HTR1F: variants seen among roughly 807,000 people sequenced by gnomAD.
HTR1F encodes the protein 5-hydroxytryptamine (serotonin) receptor 1F, G protein-coupled.
HTR1F carries 17 observed loss-of-function variants against 24.0 expected under a neutral mutation model. The ratio of observed to expected loss-of-function variants is 0.71; its 90% CI spans 0.48 to 1.06. The LOEUF is 1.06. Among genes scored for constraint, HTR1F ranks in the 50% least tolerant of loss-of-function variants. HTR1F has a pLI of 0.00. For synonymous variants in HTR1F, 186 were observed against 156.8 expected (o/e 1.19, Z -1.39); for missense variants, 391 against 427.8 (o/e 0.91, Z 0.76).
At chr3:87,835,665 T>A (rs1704668937) in intron 2 of HTR1F, among the ~76,000 whole-genome samples, 1 of 152,242 alleles carries the variant, frequency 6.6e-6, no homozygotes, top group Non-Finnish European at 1.5e-5. Flanking sequence ...GTAGCATTCC[T>A]ATCGTAAAAG....
At position 87,993,089 on chromosome 3, in the gene HTR1F, G is replaced by A. The variant is rs1338684866; in HGVS notation, c.*1239G>A. The A allele has an allele frequency of 6.0e-6, 1 of 166,938 alleles. No individual in the cohort carries two copies. Among genetic ancestry groups the A allele is most frequent in the Non-Finnish European group, 1.5e-5 (1 of 68,092 alleles). 10.3% of individuals were successfully genotyped at this position (166,938 alleles called of 1,614,324 possible). ...GATTTTATTTTATTTGAACCAGCAA[G>A]GTCATAGACTACCTTTGGGAAGACC... On this transcript the variant is annotated 3_prime_UTR_variant, in exon 3 of 3. Transcript: ENST00000319595.
chr3:87,797,341 G>T (rs1334027809), intron 1 of HTR1F, among the ~76,000 whole-genome samples: 1 of 152,110 alleles, frequency 6.6e-6, no homozygotes, highest in East Asian at 1.9e-4. Context: ...TACTATCTGG[G>T]TGTTAAAATT....
chr3:87,882,882 A>G (rs1275479999), intron 2 of HTR1F, among the ~76,000 whole-genome samples: 12 of 152,170 alleles, frequency 7.9e-5, no homozygotes, highest in Non-Finnish European at 1.5e-4. Flanking sequence ...ATAAATTTAA[A>G]AAAAAGGCAG....
intron 2 of HTR1F, among the ~76,000 whole-genome samples, chr3:87,905,478 TGAGTATATAGGTTGGTTAG>T (rs1158694637): frequency 6.6e-6 from 1 of 152,108 alleles, no homozygotes; most frequent in African/African-American, 2.4e-5. Context: ...TTTTTCCTCA[TGAGTATATAGGTTGGTTAG>T]GAGCAACAGA....
chr3:87,885,191 T>G (rs1168269467), intron 2 of HTR1F, among the ~76,000 whole-genome samples: 1 of 152,158 alleles, frequency 6.6e-6, no homozygotes, highest in Non-Finnish European at 1.5e-5. Context: ...AGAAACTCAC[T>G]GAAAACCACA....
chr3:87,862,753 A>T (rs1458623679), intron 2 of HTR1F, among the ~76,000 whole-genome samples: 2 of 151,462 alleles, frequency 1.3e-5, no homozygotes, highest in African/African-American at 4.9e-5. Context: ...TTTTTCTTTA[A>T]TTTTTCTATT....
At chr3:87,911,159 C>A (rs1490717911) in intron 2 of HTR1F, among the ~76,000 whole-genome samples, 2 of 151,682 alleles carry the variant, frequency 1.3e-5, no homozygotes, top group African/African-American at 2.4e-5. Context: ...AAAAAACACT[C>A]GAAAGATCCA....
intron 2 of HTR1F, among the ~76,000 whole-genome samples, chr3:87,938,509 A>G (rs1050777516): frequency 6.6e-6 from 1 of 152,124 alleles, no homozygotes; most frequent in African/African-American, 2.4e-5. Flanking sequence ...GACCAAAGCA[A>G]GCAGCATCAC....
chr3:87,976,362 C>T (rs1464986330), intron 2 of HTR1F, among the ~76,000 whole-genome samples: 2 of 151,966 alleles, frequency 1.3e-5, no homozygotes, highest in African/African-American at 2.4e-5. Flanking sequence ...ACTGTGCCAG[C>T]TTAGCTTGAT....
chr3:87,813,939 A>G (rs1434729582), intron 1 of HTR1F, among the ~76,000 whole-genome samples: 1 of 151,632 alleles, frequency 6.6e-6, no homozygotes, highest in African/African-American at 2.4e-5. Flanking sequence ...TTTTCTTTTT[A>G]ACAAATTACC....
At chr3:87,954,759 T>C (rs1326195417) in intron 2 of HTR1F, among the ~76,000 whole-genome samples, 1 of 151,668 alleles carries the variant, frequency 6.6e-6, no homozygotes, top group African/African-American at 2.4e-5. Flanking sequence ...GCAGGTGGAA[T>C]AATGGAAGTA....
chr3:87,979,718 C>A (rs1348954357), intron 2 of HTR1F, among the ~76,000 whole-genome samples: 3 of 152,244 alleles, frequency 2.0e-5, no homozygotes, highest in Admixed American at 2.0e-4. Flanking sequence ...GACCCCATGC[C>A]TTCCAAGGCA....
chr3:87,883,630 A>G (rs1705863081), intron 2 of HTR1F, among the ~76,000 whole-genome samples: 1 of 152,204 alleles, frequency 6.6e-6, no homozygotes, highest in East Asian at 1.9e-4. Context: ...TAACTAGAAT[A>G]AACAGTGTAG....
intron 2 of HTR1F, among the ~76,000 whole-genome samples, chr3:87,897,164 C>T (rs1257044729): frequency 6.6e-6 from 1 of 150,782 alleles, no homozygotes; most frequent in African/African-American, 2.4e-5. Flanking sequence ...ATGCTGGTGC[C>T]CATCAATGAG....
intron 2 of HTR1F, among the ~76,000 whole-genome samples, chr3:87,843,717 C>G (rs543637216): frequency 2.1e-5 from 3 of 144,514 alleles, no homozygotes; most frequent in Non-Finnish European, 4.5e-5. Context: ...GTGATGTTCC[C>G]CTTCCTGTGT....
intron 2 of HTR1F, among the ~76,000 whole-genome samples, chr3:87,931,401 G>A (rs1040497233): frequency 1.9e-4 from 29 of 152,164 alleles, no homozygotes; most frequent in Non-Finnish European, 3.2e-4. Context: ...TGGCTGCATA[G>A]TATTCCATGG....
chr3:87,978,906 A>T (rs1363324060), intron 2 of HTR1F, among the ~76,000 whole-genome samples: 48 of 99,740 alleles, frequency 4.8e-4, no homozygotes, highest in African/African-American at 1.7e-3. Context: ...GGAAGGAAGG[A>T]AGGAAGGAAG....
chr3:87,920,627 G>C lies in HTR1F; in HGVS notation c.-42-70081G>C, dbSNP rs1703993932. The stretch of plus-strand genomic sequence containing the variant: ...GTGTTTCTGAAAGATTTTAAAAAAA[G>C]AAAACCAAATATCATATGTTCTCAC... On this transcript the variant is annotated intron_variant, in intron 2 of 2. Coordinates refer to ENST00000319595, the MANE Select transcript of HTR1F (RefSeq NM_001322209.2). Among the ~76,000 whole-genome samples the C allele has an allele frequency of 2.0e-5, 3 of 152,038 alleles. No homozygotes were observed. In the South Asian group the frequency reaches 6.2e-4, roughly 32 times the overall value.
intron 2 of HTR1F, among the ~76,000 whole-genome samples, chr3:87,830,287 C>T (rs1379634446): frequency 6.6e-6 from 1 of 152,000 alleles, no homozygotes; most frequent in Non-Finnish European, 1.5e-5. Flanking sequence ...TCCTCAGAAC[C>T]ATGACATAAA....
Sources: gnomAD v4.1 joint callset for allele counts (sites outside exome capture counted in the v4.1 genomes callset) on GRCh38, gnomAD v4.1.1 for gene constraint, MANE v1.5 for transcripts, NCBI Gene and HGNC (gene_info 2026-07-23, HGNC 2026-07-21) for gene names.